The following LRCH1 variants were observed in gnomAD, a reference collection of about 807,000 sequenced individuals.
The protein encoded by LRCH1 is leucine-rich repeat and calponin homology domain-containing protein 1.
LRCH1 carries 23 observed loss-of-function variants against 94.9 expected under a neutral mutation model. The ratio of observed to expected loss-of-function variants is 0.24; its 90% CI spans 0.17 to 0.34. LRCH1 has a LOEUF of 0.34. Ranked by LOEUF, LRCH1 falls within the 10% of genes least tolerant of loss-of-function variation. LRCH1 has a pLI of 1.00. For synonymous variants in LRCH1, 364 were observed against 354.9 expected (o/e 1.03, Z -0.29); for missense variants, 790 against 945.9 (o/e 0.84, Z 2.16).
rs755284169 is a variant in LRCH1, at chr13:46,681,803, A to G, written c.642A>G (p.Arg214=). 2 of 1,613,708 alleles carry G rather than the reference A, an allele frequency of 1.2e-6. No homozygotes were observed. Among genetic ancestry groups the G allele is most frequent in the Non-Finnish European group, 1.7e-6 (2 of 1,179,704 alleles). ...PQQIGQLKSL[R]ELNVRRNYLK... is the part of the protein sequence containing the mutation. ...AGATAGGTCAGTTGAAATCTCTACG[A>G]GAACTGAATGTCAGAAGAAATTACC... The change falls in exon 4 of 20, where the codon CGA becomes CGG. Residue 214 remains arginine (R), a synonymous_variant. Coordinates refer to ENST00000389797, the MANE Select transcript of LRCH1 (RefSeq NM_001164211.2).
At chr13:46,627,357 A>G (rs1395713735) in intron 1 of LRCH1, among the ~76,000 whole-genome samples, 1 of 152,066 alleles carries the variant, frequency 6.6e-6, no homozygotes, top group Non-Finnish European at 1.5e-5. Flanking sequence ...TCTTTCTGGG[A>G]ACTAAGTACA....
At chr13:46,599,408 T>G (rs2050601679) in intron 1 of LRCH1, among the ~76,000 whole-genome samples, 1 of 152,228 alleles carries the variant, frequency 6.6e-6, no homozygotes, top group Non-Finnish European at 1.5e-5. Flanking sequence ...TTTTTAATTT[T>G]TTTGAGGATC....
At chr13:46,572,491 A>G (rs1262678731) in intron 1 of LRCH1, among the ~76,000 whole-genome samples, 1 of 152,192 alleles carries the variant, frequency 6.6e-6, no homozygotes. Context: ...TGGAGAACAG[A>G]GTGATCTAAA....
intron 8 of LRCH1, among the ~76,000 whole-genome samples, chr13:46,694,311 C>T (rs938538898): frequency 1.3e-5 from 2 of 152,146 alleles, no homozygotes; most frequent in Non-Finnish European, 2.9e-5. Context: ...CCCCACCTCC[C>T]CTGGAACACA....
At chr13:46,695,510 C>T (rs1034940910) in intron 9 of LRCH1, among the ~76,000 whole-genome samples, 19 of 151,968 alleles carry the variant, frequency 1.3e-4, no homozygotes, top group Non-Finnish European at 2.1e-4. Context: ...GTGAAGTTGC[C>T]GAGTTGTCAG....
At chr13:46,699,264 G>C (rs1871344690) in intron 9 of LRCH1, 72 bp from the exon 10 acceptor site, 6 of 1,141,828 alleles carry the variant, frequency 5.3e-6, no homozygotes, top group Middle Eastern at 2.0e-4. Flanking sequence ...ATAAACATGG[G>C]CTGGGCAGGT....
At chr13:46,664,207 A>G (rs1385813617) in intron 2 of LRCH1, among the ~76,000 whole-genome samples, 8 of 152,222 alleles carry the variant, frequency 5.3e-5, no homozygotes, top group African/African-American at 1.9e-4. Flanking sequence ...AGGTGGCTAA[A>G]ATTTTAGCAA....
At chr13:46,745,067 C>G (rs1250632918), downstream of LRCH1, among the ~76,000 whole-genome samples, 2 of 152,052 alleles carry the variant, frequency 1.3e-5, no homozygotes, top group African/African-American at 2.4e-5. Context: ...GCCTGGTCCT[C>G]AAAAAGCTTA....
In LRCH1 at chr13:46,741,669, C is replaced by T; in HGVS notation, c.2113C>T (p.Leu705=). 6.2e-7 allele frequency: 1 copy of T among 1,614,204 alleles called. No individual in the cohort carries two copies. The highest frequency in any genetic ancestry group is 8.5e-7 in the Non-Finnish European group (1 of 1,180,022). Reference sequence around the variant, plus strand: ...TGACCTCTGCTCTCCGTGTGACATCCTGCAGTTGGATTTTCGTCACATTCG... The same window carrying T: ...TGACCTCTGCTCTCCGTGTGACATCTTGCAGTTGGATTTTCGTCACATTCG... ...EADLCSPCDI[L]QLDFRHIRKT... The change falls in exon 20 of 20, where the codon CTG becomes TTG. Residue 705 remains leucine (L), a synonymous_variant. Transcript: ENST00000389797.
intron 3 of LRCH1, among the ~76,000 whole-genome samples, chr13:46,670,338 A>C (rs2051581127): frequency 6.6e-6 from 1 of 152,196 alleles, no homozygotes; most frequent in African/African-American, 2.4e-5. Flanking sequence ...GTCATGAGTG[A>C]CTAGGACAAG....
At chr13:46,609,384 G>A (rs1321640507) in intron 1 of LRCH1, among the ~76,000 whole-genome samples, 3 of 152,086 alleles carry the variant, frequency 2.0e-5, no homozygotes, top group East Asian at 1.9e-4. Context: ...TGTACCACTC[G>A]TATCCACTGC....
intron 1 of LRCH1, among the ~76,000 whole-genome samples, chr13:46,598,847 T>C (rs1381238899): frequency 6.6e-6 from 1 of 152,196 alleles, no homozygotes; most frequent in Non-Finnish European, 1.5e-5. Flanking sequence ...CTGATATATA[T>C]TTTTTATAAT....
intron 19 of LRCH1, 89 bp from the exon 20 acceptor site, chr13:46,741,553 A>G (rs1187151163): frequency 6.4e-7 from 1 of 1,560,100 alleles, no homozygotes; most frequent in Non-Finnish European, 8.8e-7. Context: ...CTAGTAACCA[A>G]AAATGTGTGC....
intron 11 of LRCH1, among the ~76,000 whole-genome samples, chr13:46,703,634 A>G (rs937538209): frequency 1.3e-5 from 2 of 152,160 alleles, no homozygotes; most frequent in South Asian, 2.1e-4. Flanking sequence ...TTATCTAACA[A>G]TTTGGGGATA....
intron 4 of LRCH1, among the ~76,000 whole-genome samples, chr13:46,682,692 C>A (rs7334240): frequency 0.47 from 71,027 of 151,886 alleles, 16,856 homozygotes; most frequent in Middle Eastern, 0.57. Flanking sequence ...GGACTAATGT[C>A]TCACTGGTGG....
intron 10 of LRCH1, among the ~76,000 whole-genome samples, chr13:46,699,939 C>T (rs550271495): frequency 2.0e-4 from 30 of 152,166 alleles, no homozygotes; most frequent in Non-Finnish European, 4.0e-4. Context: ...GTTCTTGTCC[C>T]GCATTTCACA....
intron 9 of LRCH1, among the ~76,000 whole-genome samples, chr13:46,696,739 C>T (rs1328535797): frequency 3.9e-5 from 6 of 152,148 alleles, no homozygotes; most frequent in Admixed American, 6.5e-5. Context: ...AAAATCAGGC[C>T]CGTATTAGGC....
chr13:46,652,100 G>A (rs1472065840), intron 2 of LRCH1, among the ~76,000 whole-genome samples: 1 of 143,008 alleles, frequency 7.0e-6, no homozygotes. Context: ...GTTTTGAGAC[G>A]GAGTCTTGCT....
At chr13:46,567,492 T>TTTTGTGTGTGTG (rs2050196742) in intron 1 of LRCH1, among the ~76,000 whole-genome samples, 2 of 141,866 alleles carry the variant, frequency 1.4e-5, no homozygotes, top group Non-Finnish European at 3.1e-5. Context: ...TAAGGCAATT[T>TTTTGTGTGTGTG]TGTGTGTGTG....
Sources: allele counts gnomAD v4.1 joint callset (sites outside exome capture counted in the v4.1 genomes callset), GRCh38; gene constraint gnomAD v4.1.1; transcripts MANE v1.5; gene names NCBI Gene and HGNC (gene_info 2026-07-23, HGNC 2026-07-21).